The following ATP9B variants were observed in gnomAD, a reference collection of about 807,000 sequenced individuals.
ATP9B encodes probable phospholipid-transporting ATPase IIB.
In ATP9B, 110 loss-of-function variants were observed where a neutral mutation model predicts 146.1. The observed-to-expected ratio is 0.75, with a 90% CI of 0.65 to 0.88. The LOEUF (loss-of-function observed/expected upper bound fraction) is 0.88, where lower values mean the gene tolerates loss of function less well. ATP9B is among the 40% of genes least tolerant of loss of function. The probability of loss-of-function intolerance (pLI) is 0.00; values close to 1 mark genes in which losing one functional copy is unlikely to be tolerated. For synonymous variants in ATP9B, 604 were observed against 569.7 expected, an observed-to-expected ratio of 1.06 and a Z score of -0.86; for missense variants, 1,499 against 1,496.4, an observed-to-expected ratio of 1.00 and a Z score of -0.03.
intron 13 of ATP9B, among the ~76,000 whole-genome samples, chr18:79,301,469 C>T (rs984799913): frequency 6.6e-6 from 1 of 152,176 alleles, no homozygotes; most frequent in African/African-American, 2.4e-5. Flanking sequence ...GACTCCGTCT[C>T]AAAAAACAAA....
intron 5 of ATP9B, among the ~76,000 whole-genome samples, chr18:79,136,995 A>G (rs2094455208): frequency 6.6e-6 from 1 of 152,038 alleles, no homozygotes; most frequent in Non-Finnish European, 1.5e-5. Context: ...TGATTCATTT[A>G]CCTCCCACCG....
chr18:79,258,605 TC>T (rs2096108683), intron 12 of ATP9B, among the ~76,000 whole-genome samples: 1 of 152,250 alleles, frequency 6.6e-6, no homozygotes, highest in South Asian at 2.1e-4. Flanking sequence ...TGTATCCTTT[TC>T]TAGTGTCTGC....
intron 6 of ATP9B, among the ~76,000 whole-genome samples, chr18:79,147,473 A>G (rs1382447937): frequency 1.3e-5 from 2 of 152,236 alleles, no homozygotes; most frequent in African/African-American, 4.8e-5. Context: ...AAAGAATTGA[A>G]ATCACACAGA....
At chr18:79,310,474 G>A (rs1460240810) in intron 15 of ATP9B, among the ~76,000 whole-genome samples, 1 of 152,208 alleles carries the variant, frequency 6.6e-6, no homozygotes, top group African/African-American at 2.4e-5. Flanking sequence ...GACCAAGGGT[G>A]GCAAGCAACT....
chr18:79,314,843 G>A (rs1051017867), intron 15 of ATP9B, among the ~76,000 whole-genome samples: 1 of 152,214 alleles, frequency 6.6e-6, no homozygotes, highest in South Asian at 2.1e-4. Context: ...CACCAGCACC[G>A]AACTAGTGGC....
At chr18:79,089,555 C>T (rs1471104793) in intron 1 of ATP9B, among the ~76,000 whole-genome samples, 1 of 152,114 alleles carries the variant, frequency 6.6e-6, no homozygotes, top group East Asian at 1.9e-4. Flanking sequence ...CTACTTGGGG[C>T]CTAGCATCTT....
intron 9 of ATP9B, among the ~76,000 whole-genome samples, chr18:79,204,426 C>T (rs2095516336): frequency 6.6e-6 from 1 of 152,172 alleles, no homozygotes; most frequent in African/African-American, 2.4e-5. Context: ...ACTAGTATTA[C>T]TCTTTTGACT....
intron 19 of ATP9B, among the ~76,000 whole-genome samples, chr18:79,341,577 G>A (rs976343070): frequency 4.9e-5 from 7 of 141,606 alleles, no homozygotes; most frequent in African/African-American, 1.1e-4. Flanking sequence ...GCGTGACCTC[G>A]TTGAAGCCTG....
chr18:79,199,139 G>A (rs2095442532), intron 9 of ATP9B, among the ~76,000 whole-genome samples: 1 of 151,940 alleles, frequency 6.6e-6, no homozygotes, highest in Admixed American at 6.6e-5. Flanking sequence ...TTTTAGTAGA[G>A]ATGGGGTTTC....
Position 79,256,282 on chromosome 18 carries a change from TATATAC to T in ATP9B, c.1268+2745_1268+2750del, listed in dbSNP as rs1568509015. ...CTATATATATATATATATATATATA[TATATAC>T]ATACATAGTGAGGCTATGTTATTAG... On this transcript the variant is annotated intron_variant, in intron 12 of 29. Transcript: ENST00000426216. Among the ~76,000 whole-genome samples the T allele has an allele frequency of 3.9e-5, 5 of 129,276 alleles. No individual in the cohort carries two copies. In the South Asian group the frequency reaches 6.6e-4, roughly 17 times the overall value. The allele number at this position is 129,276 out of a possible 152,430, so 84.8% of individuals were successfully genotyped here.
chr18:79,159,360 A>G (rs1441479587), intron 7 of ATP9B, among the ~76,000 whole-genome samples: 1 of 152,126 alleles, frequency 6.6e-6, no homozygotes, highest in Non-Finnish European at 1.5e-5. Flanking sequence ...GATCAGCTTT[A>G]CAGCCCTACA....
At chr18:79,331,812 G>A (rs2096791443) in intron 17 of ATP9B, among the ~76,000 whole-genome samples, 1 of 152,144 alleles carries the variant, frequency 6.6e-6, no homozygotes, top group African/African-American at 2.4e-5. Flanking sequence ...ACTTAAAATA[G>A]TGATGTTCCG....
intron 11 of ATP9B, among the ~76,000 whole-genome samples, chr18:79,248,567 C>T (rs2095991803): frequency 6.6e-6 from 1 of 152,182 alleles, no homozygotes; most frequent in African/African-American, 2.4e-5. Flanking sequence ...GAAAGACAAG[C>T]AGTGTTAACA....
At chr18:79,166,457 C>G (rs2094966768) in intron 7 of ATP9B, among the ~76,000 whole-genome samples, 1 of 152,216 alleles carries the variant, frequency 6.6e-6, no homozygotes, top group South Asian at 2.1e-4. Flanking sequence ...GCATGGTCCT[C>G]TGTCCCCAAG....
intron 13 of ATP9B, among the ~76,000 whole-genome samples, chr18:79,301,432 C>T (rs2096589823): frequency 6.6e-6 from 1 of 152,164 alleles, no homozygotes; most frequent in Non-Finnish European, 1.5e-5. Flanking sequence ...GCAGAGGTTG[C>T]AGTGAGCCAA....
intron 8 of ATP9B, among the ~76,000 whole-genome samples, chr18:79,177,906 CTTAAA>C (rs1197040712): frequency 1.3e-5 from 2 of 152,140 alleles, no homozygotes; most frequent in Non-Finnish European, 2.9e-5. Context: ...TGATTGTTTA[CTTAAA>C]TTATCTAGGA....
rs1385243764 is a variant in ATP9B, at chr18:79,073,603, G to A, written c.119+4074G>A. Among the ~76,000 whole-genome samples the A allele has an allele frequency of 3.9e-5, 6 of 152,210 alleles. No homozygotes were observed. The South Asian group carries it at 6.2e-4, about 16-fold the overall frequency. ...GTACAGTCCAGCCTCGGCAACAGAG[G>A]GAGACCGTGGAAAGCGGGAGACGGA... On this transcript the variant is annotated intron_variant, in intron 1 of 29. Coordinates refer to ENST00000426216, the MANE Select transcript of ATP9B (RefSeq NM_198531.5).
chr18:79,342,797 T>C (rs1349516251), intron 20 of ATP9B, among the ~76,000 whole-genome samples: 1 of 152,142 alleles, frequency 6.6e-6, no homozygotes, highest in Non-Finnish European at 1.5e-5. Context: ...TGTATATTGA[T>C]TAAAAAAATT....
chr18:79,305,209 A>T (rs1247400157), intron 14 of ATP9B, among the ~76,000 whole-genome samples: 1 of 152,244 alleles, frequency 6.6e-6, no homozygotes, highest in South Asian at 2.1e-4. Flanking sequence ...ACTAGACTAA[A>T]TGACACTTTC....
Sources: gnomAD v4.1 joint callset for allele counts (sites outside exome capture counted in the v4.1 genomes callset) on GRCh38, gnomAD v4.1.1 for gene constraint, MANE v1.5 for transcripts, NCBI Gene and HGNC (gene_info 2026-07-23, HGNC 2026-07-21) for gene names.